The following DLC1 variants were observed in gnomAD, a reference collection of about 807,000 sequenced individuals.
DLC1 encodes rho GTPase-activating protein 7.
Under a neutral mutation model 140.3 loss-of-function variants are expected in DLC1, and 54 were observed. The observed-to-expected ratio is 0.38, with a 90% confidence interval of 0.31 to 0.48. The LOEUF is 0.48. Among genes scored for constraint, DLC1 ranks in the 20% least tolerant of loss-of-function variants. The probability of loss-of-function intolerance (pLI) is 0.96; values close to 1 mark genes in which losing one functional copy is unlikely to be tolerated. For missense variants in DLC1, 2,536 were observed against 1,907.0 expected (o/e 1.33, Z -6.14); for synonymous variants, 986 against 728.1 (o/e 1.35, Z -5.70).
intron 5 of DLC1, among the ~76,000 whole-genome samples, chr8:13,193,173 G>C (rs1826858135): frequency 6.6e-6 from 1 of 152,086 alleles, no homozygotes; most frequent in East Asian, 1.9e-4. Flanking sequence ...TCACTCATTT[G>C]GGAAACAAAT....
chr8:13,136,216 CA>C (rs1420594186), intron 5 of DLC1, among the ~76,000 whole-genome samples: 3 of 152,102 alleles, frequency 2.0e-5, no homozygotes, highest in African/African-American at 4.8e-5. Flanking sequence ...ATTTTAGATT[CA>C]GGGGGTACAT....
At chr8:13,372,145 AGTGTGTGT>A (rs56329029) in intron 4 of DLC1, among the ~76,000 whole-genome samples, 1 of 150,126 alleles carries the variant, frequency 6.7e-6, no homozygotes, top group Admixed American at 6.7e-5. Context: ...TTCAAAAAAA[AGTGTGTGT>A]GTGTGTGTGT....
intron 5 of DLC1, among the ~76,000 whole-genome samples, chr8:13,214,026 C>T (rs1253293002): frequency 2.0e-5 from 3 of 152,146 alleles, no homozygotes; most frequent in Non-Finnish European, 4.4e-5. Context: ...TCAAGTGATC[C>T]GTCCACTTCA....
chr8:13,297,866 G>GT (rs59669606), intron 5 of DLC1, among the ~76,000 whole-genome samples: 72 of 151,056 alleles, frequency 4.8e-4, no homozygotes, highest in African/African-American at 1.2e-3. Flanking sequence ...TTCCATTTTA[G>GT]TTTTTTTTTG....
At chr8:13,151,215 A>G (rs765058385) in intron 5 of DLC1, among the ~76,000 whole-genome samples, 2 of 152,232 alleles carry the variant, frequency 1.3e-5, no homozygotes, top group African/African-American at 2.4e-5. Context: ...GCATTTACAG[A>G]TGTCAGTCTT....
In DLC1 at chr8:13,419,527, C is replaced by T. The variant is rs533346635; in HGVS notation, c.1024-17908G>A. Among the ~76,000 whole-genome samples the T allele has an allele frequency of 2.0e-4, 31 of 152,144 alleles. 1 individual carries two copies. Among genetic ancestry groups the T allele is most frequent in the African/African-American group, 4.8e-4 (20 of 41,508 alleles). On this transcript the variant is annotated intron_variant, in intron 2 of 17. Coordinates refer to ENST00000276297, the MANE Select transcript of DLC1 (RefSeq NM_182643.3). ...ATGCTGGATTACATTTATTGATTTG[C>T]GTATATTGAACCACCTGGCATCCCA...
At position 13,095,250 on chromosome 8, in the gene DLC1, TA is replaced by T; in HGVS notation, c.3168-6del. 1 of 1,614,224 alleles carries T rather than the reference TA, an allele frequency of 6.2e-7. No individual in the cohort carries two copies. Among genetic ancestry groups the T allele is most frequent in the Non-Finnish European group, 8.5e-7 (1 of 1,180,040 alleles). ...TTCATGAACTTGGGCACGGCCCTGTTAAAGAACACAGAGATGGTGGTGTTGG... is the reference window on the plus strand; with the variant it reads ...TTCATGAACTTGGGCACGGCCCTGTTAAGAACACAGAGATGGTGGTGTTGG... On this transcript the variant is annotated splice_region_variant and splice_polypyrimidine_tract_variant and intron_variant, in intron 10 of 17. Coordinates refer to ENST00000276297, the MANE Select transcript of DLC1 (RefSeq NM_182643.3).
At chr8:13,098,264 G>T (rs375049307) in intron 10 of DLC1, 135 bp downstream of exon 10, 1 of 1,152,286 alleles carries the variant, frequency 8.7e-7, no homozygotes, top group Non-Finnish European at 1.2e-6. Context: ...AATGCAGAGA[G>T]TGATTGCCAT....
intron 4 of DLC1, among the ~76,000 whole-genome samples, chr8:13,310,550 C>T (rs539758322): frequency 1.1e-4 from 16 of 151,890 alleles, no homozygotes; most frequent in East Asian, 3.9e-4. Flanking sequence ...CAACAGGAAG[C>T]GTTTTGGGAT....
At chr8:13,246,003 C>G (rs1307263512) in intron 5 of DLC1, among the ~76,000 whole-genome samples, 1 of 152,048 alleles carries the variant, frequency 6.6e-6, no homozygotes, top group Non-Finnish European at 1.5e-5. Context: ...TGCCCAGCCA[C>G]AAACTATTTT....
At chr8:13,556,663 C>A (rs1028485504) in intron 1 of DLC1, among the ~76,000 whole-genome samples, 1 of 152,126 alleles carries the variant, frequency 6.6e-6, no homozygotes, top group African/African-American at 2.4e-5. Context: ...CAGACATAGG[C>A]TGGGCGCCTG....
intron 5 of DLC1, chr8:13,276,719 G>A: frequency 1.7e-6 from 1 of 574,872 alleles, no homozygotes; most frequent in Non-Finnish European, 2.3e-6. Flanking sequence ...GGCTGCTCCT[G>A]GGTCACATAG....
chr8:13,151,526 A>T (rs1192982849), intron 5 of DLC1, among the ~76,000 whole-genome samples: 1 of 152,204 alleles, frequency 6.6e-6, no homozygotes, highest in Non-Finnish European at 1.5e-5. Flanking sequence ...AAATCAATGG[A>T]ATTAGTCAGT....
intron 1 of DLC1, among the ~76,000 whole-genome samples, chr8:13,549,340 C>G (rs1803769092): frequency 6.6e-6 from 1 of 152,044 alleles, no homozygotes; most frequent in Admixed American, 6.6e-5. Flanking sequence ...TCTTTAGGAG[C>G]TCATTATCCC....
intron 1 of DLC1, among the ~76,000 whole-genome samples, chr8:13,522,548 C>G (rs1434931955): frequency 6.6e-6 from 1 of 151,858 alleles, no homozygotes; most frequent in African/African-American, 2.4e-5. Flanking sequence ...TCGCTTGAAC[C>G]CAGGAGACAG....
intron 4 of DLC1, among the ~76,000 whole-genome samples, chr8:13,384,844 G>A (rs1836442388): frequency 6.6e-6 from 1 of 152,088 alleles, no homozygotes; most frequent in African/African-American, 2.4e-5. Flanking sequence ...CAATGCCTTA[G>A]CGACAGGGAA....
chr8:13,238,949 G>A (rs1019779991), intron 5 of DLC1, among the ~76,000 whole-genome samples: 3 of 152,298 alleles, frequency 2.0e-5, no homozygotes, highest in Admixed American at 6.5e-5. Flanking sequence ...GGGGGAAAGT[G>A]CACAGTCCCT....
At chr8:13,129,678 C>T (rs1463351489) in intron 5 of DLC1, among the ~76,000 whole-genome samples, 4 of 152,318 alleles carry the variant, frequency 2.6e-5, no homozygotes, top group Non-Finnish European at 5.9e-5. Context: ...CTCCCCAGGT[C>T]TGCTTTATAA....
intron 2 of DLC1, among the ~76,000 whole-genome samples, chr8:13,498,270 T>G (rs1456849766): frequency 5.9e-5 from 9 of 152,216 alleles, no homozygotes; most frequent in Non-Finnish European, 1.5e-5. Context: ...GGGGAAATTC[T>G]ATAGAAAAGA....
Sources: gnomAD v4.1 joint callset for allele counts (sites outside exome capture counted in the v4.1 genomes callset) on GRCh38, gnomAD v4.1.1 for gene constraint, MANE v1.5 for transcripts, NCBI Gene and HGNC (gene_info 2026-07-23, HGNC 2026-07-21) for gene names.